SLC2A14: variants seen among roughly 807,000 people sequenced by gnomAD.
SLC2A14 encodes solute carrier family 2, facilitated glucose transporter member 14.
Under a neutral mutation model 43.0 loss-of-function variants are expected in SLC2A14, and 13 were observed. That is an observed-to-expected ratio of 0.30 (90% CI 0.20 to 0.48). The LOEUF (loss-of-function observed/expected upper bound fraction) is 0.48, where lower values mean the gene tolerates loss of function less well. SLC2A14 is among the 20% of genes least tolerant of loss of function. The pLI is 0.99. For missense variants in SLC2A14, 428 were observed against 620.4 expected, an observed-to-expected ratio of 0.69 and a Z score of 3.29; for synonymous variants, 190 against 233.8, an observed-to-expected ratio of 0.81 and a Z score of 1.71.
intron 2 of SLC2A14, among the ~76,000 whole-genome samples, chr12:7,846,749 A>G (rs113914148): frequency 3.5e-5 from 2 of 57,532 alleles, no homozygotes; most frequent in Non-Finnish European, 8.7e-5. Context: ...CTCCTGCCTC[A>G]GCCTCTGGAG....
At chr12:7,867,054 T>C (rs61922957) in intron 2 of SLC2A14, among the ~76,000 whole-genome samples, 151,247 of 151,548 alleles carry the variant, frequency 1, 75,476 homozygotes, top group Middle Eastern at 1. Flanking sequence ...CCGAGGCGGG[T>C]GGATCACAAG....
intron 1 of SLC2A14, among the ~76,000 whole-genome samples, chr12:7,883,102 C>T (rs1012382764): frequency 6.6e-6 from 1 of 151,364 alleles, no homozygotes; most frequent in South Asian, 2.1e-4. Context: ...TCAGCTACTC[C>T]GTAGGCTGAG....
At chr12:7,874,713 T>TAAA (rs1365728183), upstream of SLC2A14, among the ~76,000 whole-genome samples, 5 of 103,138 alleles carry the variant, frequency 4.8e-5, no homozygotes, top group Non-Finnish European at 9.4e-5. Flanking sequence ...TATAAATATG[T>TAAA]ATATAAATAT....
rs185568570 is a variant in SLC2A14 at position 7,813,104 on chromosome 12, T to C, written c.*1212A>G. On this transcript the variant is annotated 3_prime_UTR_variant, in exon 11 of 11. Transcript: ENST00000431042. ...TAAAGCAACAACACACTTTAGATAA[T>C]AATCGCTCAGAAAAAAATCCTCTCC... 1.3e-5 allele frequency: 2 copies of C among 151,446 alleles called. No homozygotes were observed. The highest frequency in any genetic ancestry group is 3.9e-4 in the East Asian group (2 of 5,156). 9.4% of individuals were successfully genotyped at this position (151,446 alleles called of 1,614,324 possible). A position where few individuals can be genotyped will look rare whatever the true frequency, so the allele number is the denominator to read the frequency against.
At position 7,872,901 on chromosome 12, in the gene SLC2A14, T is replaced by C. The variant is rs1392140038; in HGVS notation, c.-152A>G. ...CCCCCGCCGGCCCCGCCTGCAGCCG[T>C]TGGGACCCACTAACTGCCTCGAAAA... is the stretch of plus-strand genomic sequence containing the variant. On this transcript the variant is annotated 5_prime_UTR_variant, in exon 1 of 11. Coordinates refer to ENST00000431042, the MANE Select transcript of SLC2A14 (RefSeq NM_001286234.2). 4.1e-6 allele frequency: 4 copies of C among 985,296 alleles called. No individual in the cohort carries two copies. The African/African-American group carries it at 7.0e-5, about 17-fold the overall frequency. 61.0% of individuals were successfully genotyped at this position (985,296 alleles called of 1,614,324 possible).
At chr12:7,833,160 G>T (rs1370054507) in intron 2 of SLC2A14, among the ~76,000 whole-genome samples, 1 of 152,148 alleles carries the variant, frequency 6.6e-6, no homozygotes, top group African/African-American at 2.4e-5. Flanking sequence ...GGAGGAAAGA[G>T]GACAACACAG....
At chr12:7,884,968 C>T (rs1945663890) in intron 1 of SLC2A14, among the ~76,000 whole-genome samples, 1 of 151,476 alleles carries the variant, frequency 6.6e-6, no homozygotes, top group Admixed American at 6.6e-5. Context: ...TCATATTTTT[C>T]AGGAACCAAA....
intron 2 of SLC2A14, chr12:7,839,951 A>T (rs1474921448): frequency 2.8e-6 from 1 of 352,118 alleles, no homozygotes; most frequent in Non-Finnish European, 5.4e-6. Context: ...AAAAAAAAAA[A>T]AATACAAAAA....
chr12:7,870,143 A>AAT (rs1282794307), intron 1 of SLC2A14, among the ~76,000 whole-genome samples: 3 of 152,118 alleles, frequency 2.0e-5, no homozygotes, highest in African/African-American at 7.2e-5. Flanking sequence ...TTCAGTAGCC[A>AAT]TTGAGAAGCA....
chr12:7,848,920 G>A (rs571162942), intron 2 of SLC2A14, among the ~76,000 whole-genome samples: 188 of 149,450 alleles, frequency 1.3e-3, no homozygotes, highest in South Asian at 4.6e-3. Context: ...GCAGTGGTGC[G>A]ATCTGGGCTC....
upstream of SLC2A14, among the ~76,000 whole-genome samples, chr12:7,878,191 C>T (rs1945496914): frequency 6.6e-6 from 1 of 152,146 alleles, no homozygotes; most frequent in Non-Finnish European, 1.5e-5. Flanking sequence ...GCTGGGACTA[C>T]AGGTGGCAGC....
chr12:7,851,465 T>C (rs1018634515), intron 2 of SLC2A14, among the ~76,000 whole-genome samples: 13 of 152,130 alleles, frequency 8.5e-5, no homozygotes, highest in Admixed American at 7.2e-4. Flanking sequence ...TGGTTCATGT[T>C]TGGGTCTGGA....
intron 2 of SLC2A14, among the ~76,000 whole-genome samples, chr12:7,857,393 G>C (rs750468327): frequency 6.6e-6 from 1 of 151,898 alleles, no homozygotes. Flanking sequence ...GTTTGAGACC[G>C]GCCTGACCAA....
chr12:7,843,950 CCTTT>C (rs1866230767), intron 2 of SLC2A14, among the ~76,000 whole-genome samples: 1 of 149,872 alleles, frequency 6.7e-6, no homozygotes, highest in Non-Finnish European at 1.5e-5. Context: ...GTTCTTCCTT[CCTTT>C]ATTGTTGTCT....
At chr12:7,874,910 C>T (rs1165252451), upstream of SLC2A14, among the ~76,000 whole-genome samples, 3 of 86,958 alleles carry the variant, frequency 3.4e-5, no homozygotes, top group South Asian at 3.5e-4. Context: ...TATATAAATA[C>T]ATATATAAAT....
At chr12:7,874,468 T>A (rs910205575), upstream of SLC2A14, among the ~76,000 whole-genome samples, 8 of 151,622 alleles carry the variant, frequency 5.3e-5, no homozygotes, top group Non-Finnish European at 1.5e-5. Flanking sequence ...GATCAAGAGT[T>A]CAAGACCAGC....
At position 7,829,802 on chromosome 12, in the gene SLC2A14, G is replaced by C; in HGVS notation, c.477C>G (p.Asn159Lys). ...TALRGAFGTL[N>K]QLGIVIGILV... ...GAATTCCAATAACTATGCCCAGCTG[G>C]TTGAGAGTGCCAAAGGCACCCCTCA... The change falls in exon 5 of 11, where the codon AAC becomes AAG. Residue 159 changes from asparagine (N) to lysine (K), a missense_variant. Asn to Lys is a moderately conservative substitution (Grantham distance 94). Coordinates refer to ENST00000431042, the MANE Select transcript of SLC2A14 (RefSeq NM_001286234.2). 6.2e-7 allele frequency: 1 copy of C among 1,614,174 alleles called. No homozygotes were observed. The highest frequency in any genetic ancestry group is 2.2e-5 in the East Asian group (1 of 44,870).
intron 1 of SLC2A14, among the ~76,000 whole-genome samples, chr12:7,880,523 G>C (rs116401611): frequency 0.017 from 2,588 of 150,902 alleles, 66 homozygotes; most frequent in African/African-American, 0.058. Context: ...ATTGATAACA[G>C]AATTCCATCA....
At chr12:7,818,207 G>A (rs939135112) in intron 9 of SLC2A14, among the ~76,000 whole-genome samples, 173 bp from the exon 10 acceptor site, 2 of 113,394 alleles carry the variant, frequency 1.8e-5, no homozygotes, top group African/African-American at 2.8e-5. Context: ...TTTTTGAGAC[G>A]GGGTCTTACT....
Sources: gnomAD v4.1 joint callset for allele counts (sites outside exome capture counted in the v4.1 genomes callset) on GRCh38, gnomAD v4.1.1 for gene constraint, MANE v1.5 for transcripts, NCBI Gene and HGNC (gene_info 2026-07-23, HGNC 2026-07-21) for gene names.